The following TLN2 variants were observed in gnomAD, a reference collection of about 807,000 sequenced individuals.
TLN2 encodes talin 2.
TLN2 carries 118 observed loss-of-function variants against 294.7 expected under a neutral mutation model. The ratio of observed to expected loss-of-function variants is 0.40; its 90% CI spans 0.34 to 0.47. The LOEUF is 0.47. Among genes scored for constraint, TLN2 ranks in the 20% least tolerant of loss-of-function variants. TLN2 has a pLI of 0.84. For missense variants in TLN2, 3,083 were observed against 3,282.2 expected, an observed-to-expected ratio of 0.94 and a Z score of 1.48; for synonymous variants, 1,431 against 1,304.5, an observed-to-expected ratio of 1.10 and a Z score of -2.09.
At chr15:62,546,354 C>G (rs1316155893) in intron 1 of TLN2, among the ~76,000 whole-genome samples, 2 of 152,182 alleles carry the variant, frequency 1.3e-5, no homozygotes, top group Non-Finnish European at 2.9e-5. Context: ...TTGAAAAGTG[C>G]TGATAGAGAT....
At chr15:62,760,245 C>A (rs1453661829) in intron 37 of TLN2, among the ~76,000 whole-genome samples, 1 of 152,110 alleles carries the variant, frequency 6.6e-6, no homozygotes, top group East Asian at 1.9e-4. Flanking sequence ...GCCAGGCTTG[C>A]GGGAATTCCT....
At chr15:62,723,976 C>T (rs2060298157) in intron 26 of TLN2, among the ~76,000 whole-genome samples, 1 of 151,968 alleles carries the variant, frequency 6.6e-6, no homozygotes, top group Non-Finnish European at 1.5e-5. Flanking sequence ...TGGTGAAACC[C>T]CATCTCTAAT....
chr15:62,461,908 T>C (rs2036830674), intron 1 of TLN2, among the ~76,000 whole-genome samples: 1 of 152,166 alleles, frequency 6.6e-6, no homozygotes, highest in Admixed American at 6.5e-5. Flanking sequence ...TAACTTCTCA[T>C]TGTTGGAGTC....
intron 1 of TLN2, among the ~76,000 whole-genome samples, chr15:62,401,823 C>A (rs367709659): frequency 6.6e-6 from 1 of 152,256 alleles, no homozygotes; most frequent in East Asian, 1.9e-4. Context: ...TTTCCTCTAC[C>A]CTGCTTCAGC....
intron 1 of TLN2, among the ~76,000 whole-genome samples, chr15:62,571,476 C>A (rs145588485): frequency 1.3e-5 from 2 of 152,220 alleles, no homozygotes; most frequent in African/African-American, 4.8e-5. Context: ...TAAAACCTTA[C>A]ATATTTTTAT....
rs2070698514 is a variant in TLN2, at chr15:62,841,526, T to C, written c.*916T>C. The C allele has an allele frequency of 6.6e-6, 1 of 152,138 alleles. No homozygotes were observed. Among genetic ancestry groups the C allele is most frequent in the Non-Finnish European group, 1.5e-5 (1 of 68,024 alleles). 9.4% of individuals were successfully genotyped at this position (152,138 alleles called of 1,614,324 possible). The stretch of plus-strand genomic sequence containing the variant: ...GCTGGTTTCTGTGCCTTCAGAATGG[T>C]CACAAGCCCGGATTGGAAAGGATCT... On this transcript the variant is annotated 3_prime_UTR_variant, in exon 59 of 59. Transcript: ENST00000636159.
At chr15:62,605,654 G>A (rs4774442) in intron 2 of TLN2, among the ~76,000 whole-genome samples, 57,905 of 152,028 alleles carry the variant, frequency 0.38, 11,550 homozygotes, top group East Asian at 0.58. Flanking sequence ...CTCCTCCATG[G>A]GGAGATCTTG....
At chr15:62,755,413 G>A (rs2062183918) in intron 36 of TLN2, 119 bp from the exon 37 acceptor site, 1 of 1,276,538 alleles carries the variant, frequency 7.8e-7, no homozygotes, top group African/African-American at 1.5e-5. Context: ...AACTAGACAT[G>A]CTTGTAATTA....
chr15:62,834,460 C>A (rs895251833), intron 55 of TLN2: 5 of 152,134 alleles, frequency 3.3e-5, no homozygotes, highest in African/African-American at 1.2e-4. Context: ...TGAGTTGTGT[C>A]TTGACCCAAG....
intron 2 of TLN2, among the ~76,000 whole-genome samples, chr15:62,598,064 A>T (rs951031476): frequency 2.6e-5 from 4 of 152,190 alleles, no homozygotes; most frequent in African/African-American, 9.7e-5. Context: ...GGCCTGATCT[A>T]TAAAATTTGC....
chr15:62,546,171 T>C (rs1201735382), intron 1 of TLN2, among the ~76,000 whole-genome samples: 2 of 152,182 alleles, frequency 1.3e-5, no homozygotes, highest in African/African-American at 4.8e-5. Flanking sequence ...GATTTCTGTC[T>C]TCACTACCTC....
chr15:62,744,621 A>C (rs1334094806), intron 32 of TLN2, among the ~76,000 whole-genome samples: 1 of 152,004 alleles, frequency 6.6e-6, no homozygotes, highest in East Asian at 1.9e-4. Flanking sequence ...ATCTCGGCTC[A>C]CTGCAGCCTC....
intron 9 of TLN2, among the ~76,000 whole-genome samples, chr15:62,672,092 G>C (rs2055502237): frequency 6.6e-6 from 1 of 152,014 alleles, no homozygotes; most frequent in Admixed American, 6.6e-5. Flanking sequence ...CGATCAAGTT[G>C]TTATTTTTTT....
At position 62,768,612 on chromosome 15, in the gene TLN2, G is replaced by A. The variant is rs185839753; in HGVS notation, c.5196+2190G>A. On this transcript the variant is annotated intron_variant, in intron 41 of 58. Coordinates refer to ENST00000636159, the MANE Select transcript of TLN2 (RefSeq NM_015059.3). ...CAGTCCACCGTGTCCCTAGACCTAGGAATGAACGTTATGTACCAAATACTC... is the reference window on the plus strand; with the variant it reads ...CAGTCCACCGTGTCCCTAGACCTAGAAATGAACGTTATGTACCAAATACTC... Among the ~76,000 whole-genome samples, 40 of 152,290 alleles carry A rather than the reference G, an allele frequency of 2.6e-4. No homozygotes were observed. The East Asian group carries it at 5.8e-3, about 22-fold the overall frequency.
In TLN2 at chr15:62,698,855, C is replaced by T. The variant is rs374676895; in HGVS notation, c.1575C>T (p.Leu525=). The stretch of plus-strand genomic sequence containing the variant: ...GTGAGCTCGACTCGCTGCCACCTCT[C>T]GGCCAGGATATGGTAAATACTGTTC... The part of the protein sequence containing the change: ...DLSELDSLPP[L]GQDMASRVWV... The change falls in exon 16 of 59, where the codon CTC becomes CTT. Residue 525 remains leucine, a synonymous_variant. Transcript: ENST00000636159. 4.3e-5 allele frequency: 70 copies of T among 1,612,608 alleles called. No individual in the cohort carries two copies. The highest frequency in any genetic ancestry group is 1.1e-4 in the East Asian group (5 of 44,868).
rs75035075 is a variant in TLN2 at position 62,543,157 on chromosome 15, A to G, written c.-237-46530A>G. Among the ~76,000 whole-genome samples the G allele has an allele frequency of 1.6e-3, 239 of 152,204 alleles. 3 individuals carry two copies. In the East Asian group the frequency reaches 0.024, roughly 15 times the overall value. On this transcript the variant is annotated intron_variant, in intron 1 of 58. Transcript: ENST00000636159. ...TCTCTGTCTGGCTCCAGAGCCTTTT[A>G]ATTTTCCCCATAGCAGTGTTTAATA...
chr15:62,521,985 G>A (rs575314166), intron 1 of TLN2, among the ~76,000 whole-genome samples: 25 of 152,118 alleles, frequency 1.6e-4, no homozygotes, highest in Non-Finnish European at 3.1e-4. Flanking sequence ...TGTTAATACT[G>A]GTCGTTTTGC....
chr15:62,598,108 C>T (rs558537130), intron 2 of TLN2, among the ~76,000 whole-genome samples: 1 of 152,308 alleles, frequency 6.6e-6, no homozygotes, highest in Admixed American at 6.5e-5. Context: ...TCTTAGGCAC[C>T]TACATCCTTG....
intron 3 of TLN2, among the ~76,000 whole-genome samples, chr15:62,620,399 GA>G (rs2048692296): frequency 1.3e-5 from 2 of 151,998 alleles, no homozygotes; most frequent in Non-Finnish European, 2.9e-5. Context: ...TGAACCTTTG[GA>G]AATGGCCTGC....
Sources: gnomAD v4.1 joint callset for allele counts (sites outside exome capture counted in the v4.1 genomes callset) on GRCh38, gnomAD v4.1.1 for gene constraint, MANE v1.5 for transcripts, NCBI Gene and HGNC (gene_info 2026-07-23, HGNC 2026-07-21) for gene names.